The following AR variants were observed in gnomAD, a reference collection of about 807,000 sequenced individuals.
AR encodes dihydrotestosterone receptor.
In AR, 8 loss-of-function variants were observed where a neutral mutation model predicts 53.9. The observed-to-expected ratio is 0.15, with a 90% CI of 0.09 to 0.27. The LOEUF is 0.27. Among genes scored for constraint, AR ranks in the 10% least tolerant of loss-of-function variants. AR has a pLI of 1.00. For missense variants in AR, 639 were observed against 742.5 expected, an observed-to-expected ratio of 0.86 and a Z score of 1.62; for synonymous variants, 359 against 316.4, an observed-to-expected ratio of 1.13 and a Z score of -1.43.
chrX:67,610,156 G>A (rs985936997), intron 1 of AR, among the ~76,000 whole-genome samples: 8 of 111,339 alleles, frequency 7.2e-5, no homozygotes, highest in Non-Finnish European at 1.5e-4. Context: ...AAAGGGAGCT[G>A]TCCTACGAGT....
In AR at chrX:67,724,126, A is replaced by C. The variant is rs2076148751; in HGVS notation, c.*285A>C. On this transcript the variant is annotated 3_prime_UTR_variant, in exon 8 of 8. Coordinates refer to ENST00000374690, the MANE Select transcript of AR (RefSeq NM_000044.6). ...TTTTGAATGGTGTTGTATGCCTTTA[A>C]ATCTGTGATGATCCTCATATGGCCC... 2.8e-6 allele frequency: 1 copy of C among 358,277 alleles called. No individual in the cohort carries two copies. Among genetic ancestry groups the C allele is most frequent in the Admixed American group, 4.9e-5 (1 of 20,441 alleles). The allele number at this position is 358,277 out of a possible 1,213,427, so 29.5% of individuals were successfully genotyped here.
At chrX:67,689,674 AGAT>A in intron 3 of AR, 1 of 885,554 alleles carries the variant, frequency 1.1e-6, no homozygotes, top group Non-Finnish European at 1.4e-6. Flanking sequence ...CTTTCTTTGT[AGAT>A]GATTCATTCC....
Position 67,710,032 on chromosome X carries a change from A to C in AR, c.1886-1370A>C. 2.7e-5 allele frequency among the ~76,000 whole-genome samples: 3 copies of C among 110,973 alleles called. 1 individual carries two copies. The South Asian group carries it at 1.2e-3, about 43-fold the overall frequency. On this transcript the variant is annotated intron_variant, in intron 3 of 7. Coordinates refer to ENST00000374690, the MANE Select transcript of AR (RefSeq NM_000044.6). ...CTTTCCGTCTCCAAGAGCTTTAACTATCAAAATGTATGTGTGTGTGTTTTT... is the reference window on the plus strand; with the variant it reads ...CTTTCCGTCTCCAAGAGCTTTAACTCTCAAAATGTATGTGTGTGTGTTTTT...
chrX:67,626,610 T>TTATATATATATATA (rs201252311), intron 1 of AR, among the ~76,000 whole-genome samples: 2 of 85,171 alleles, frequency 2.3e-5, no homozygotes, highest in African/African-American at 8.6e-5. Flanking sequence ...CCGACTAATT[T>TTATATATATATATA]TATATATATA....
At chrX:67,582,040 A>G (rs1369756055) in intron 1 of AR, among the ~76,000 whole-genome samples, 3 of 111,635 alleles carry the variant, frequency 2.7e-5, no homozygotes, top group African/African-American at 9.8e-5. Flanking sequence ...ATAAAAATGC[A>G]TTTCTAATTC....
At chrX:67,696,848 C>T (rs769274129) in intron 3 of AR, among the ~76,000 whole-genome samples, 4 of 111,373 alleles carry the variant, frequency 3.6e-5, no homozygotes, top group Non-Finnish European at 7.5e-5. Context: ...CTATTCAACC[C>T]GATGAAATAT....
rs965550064 is a variant in AR at position 67,729,977 on chromosome X, G to A, written c.*6136G>A. On this transcript the variant is annotated 3_prime_UTR_variant, in exon 8 of 8. Transcript: ENST00000374690. ...AGCAGCCACCATCAGAATGACCCAC[G>A]CAAAAAAAAGAAAAAAAAAATTAAA... 17 of 167,584 alleles carry A rather than the reference G, an allele frequency of 1.0e-4. No individual in the cohort carries two copies. Among genetic ancestry groups the A allele is most frequent in the African/African-American group, 3.7e-4 (12 of 32,172 alleles). 13.8% of individuals were successfully genotyped at this position (167,584 alleles called of 1,213,427 possible). A position where few individuals can be genotyped will look rare whatever the true frequency, so the allele number is the denominator to read the frequency against.
chrX:67,705,271 C>G (rs778996953), intron 3 of AR, among the ~76,000 whole-genome samples: 1 of 111,322 alleles, frequency 9.0e-6, no homozygotes, highest in East Asian at 2.8e-4. Flanking sequence ...ATTCTTCCTA[C>G]CCATGAGCAT....
intron 3 of AR, among the ~76,000 whole-genome samples, chrX:67,696,736 T>C (rs1011673666): frequency 1.3e-4 from 15 of 111,232 alleles, no homozygotes; most frequent in African/African-American, 4.9e-4. Context: ...CCTCACTCCA[T>C]ACCTGCCAAG....
chrX:67,583,187 G>A (rs959293071), intron 1 of AR, among the ~76,000 whole-genome samples: 1 of 111,946 alleles, frequency 8.9e-6, no homozygotes, highest in African/African-American at 3.2e-5. Flanking sequence ...TAGAGGCCTG[G>A]GAGAGTAAGA....
chrX:67,638,176 A>G (rs1925549362), intron 1 of AR, among the ~76,000 whole-genome samples: 1 of 111,806 alleles, frequency 8.9e-6, no homozygotes, highest in African/African-American at 3.3e-5. Flanking sequence ...ATGGCTGCAC[A>G]ATATTCCATG....
rs2076168263 is a variant in AR, at chrX:67,728,614, T to TATATATATATATATATATATAC, written c.*4774_*4775insTATATATATATATATATATACA. On this transcript the variant is annotated 3_prime_UTR_variant, in exon 8 of 8. Coordinates refer to ENST00000374690, the MANE Select transcript of AR (RefSeq NM_000044.6). ...ATATATATATATATATATATATATA[T>TATATATATATATATATATATAC]AGTGTGTGTGTGTGTTCTGATAGCT... 1.0e-5 allele frequency: 1 copy of TATATATATATATATATATATAC among 97,862 alleles called. No homozygotes were observed. Among genetic ancestry groups the TATATATATATATATATATATAC allele is most frequent in the East Asian group, 2.1e-4 (1 of 4,877 alleles). 8.1% of individuals were successfully genotyped at this position (97,862 alleles called of 1,213,427 possible). A position where few individuals can be genotyped will look rare whatever the true frequency, so the allele number is the denominator to read the frequency against.
chrX:67,627,802 T>C (rs1924776060), intron 1 of AR, among the ~76,000 whole-genome samples: 1 of 111,790 alleles, frequency 8.9e-6, no homozygotes, highest in Admixed American at 9.5e-5. Context: ...CCATCTCGAA[T>C]TGATTTTTGT....
At chrX:67,706,732 G>A (rs888234668) in intron 3 of AR, among the ~76,000 whole-genome samples, 2 of 111,274 alleles carry the variant, frequency 1.8e-5, no homozygotes, top group African/African-American at 6.6e-5. Flanking sequence ...TCTTTTAATT[G>A]TGATGTTAGG....
intron 2 of AR, among the ~76,000 whole-genome samples, chrX:67,676,406 T>G (rs1252041012): frequency 8.9e-6 from 1 of 112,433 alleles, no homozygotes; most frequent in Non-Finnish European, 1.9e-5. Context: ...AACCTCCAAA[T>G]TCAATGACAA....
chrX:67,702,058 C>G (rs983198126), intron 3 of AR, among the ~76,000 whole-genome samples: 6 of 111,510 alleles, frequency 5.4e-5, no homozygotes, highest in African/African-American at 2.0e-4. Flanking sequence ...AGAATATGGG[C>G]TTTATAATCA....
chrX:67,616,072 G>A (rs904515949), intron 1 of AR, among the ~76,000 whole-genome samples: 1 of 111,357 alleles, frequency 9.0e-6, no homozygotes. Context: ...GTATAAATAT[G>A]ATGTCGATTC....
chrX:67,603,287 A>G (rs1923466335), intron 1 of AR, among the ~76,000 whole-genome samples: 1 of 111,776 alleles, frequency 8.9e-6, no homozygotes, highest in Admixed American at 9.5e-5. Flanking sequence ...TAGACAGTAT[A>G]AAGAGGAAAG....
chrX:67,710,353 T>C (rs754423526), intron 3 of AR, among the ~76,000 whole-genome samples: 1 of 111,387 alleles, frequency 9.0e-6, no homozygotes, highest in East Asian at 2.8e-4. Flanking sequence ...AGTGTTTTAC[T>C]ATGTCACCCA....
Sources: gnomAD v4.1 joint callset for allele counts (sites outside exome capture counted in the v4.1 genomes callset) on GRCh38, gnomAD v4.1.1 for gene constraint, MANE v1.5 for transcripts, NCBI Gene and HGNC (gene_info 2026-07-23, HGNC 2026-07-21) for gene names.